Variants in DDX60 observed in about 807,000 individuals in gnomAD.
DDX60 encodes probable ATP-dependent RNA helicase DDX60.
DDX60 carries 165 observed loss-of-function variants against 212.8 expected under a neutral mutation model. That is an observed-to-expected ratio of 0.78 (90% CI 0.68 to 0.88). The LOEUF (loss-of-function observed/expected upper bound fraction) is 0.88, where lower values mean the gene tolerates loss of function less well. Among genes scored for constraint, DDX60 ranks in the 40% least tolerant of loss-of-function variants. The pLI, the probability that DDX60 is intolerant of heterozygous loss-of-function variation, is 0.00. For missense variants in DDX60, 1,905 were observed against 2,003.9 expected (o/e 0.95, Z 0.94); for synonymous variants, 703 against 685.3 (o/e 1.03, Z -0.40).
intron 6 of DDX60, among the ~76,000 whole-genome samples, chr4:168,296,908 C>T (rs1036673202): frequency 6.9e-6 from 1 of 144,304 alleles, no homozygotes; most frequent in Non-Finnish European, 1.5e-5. Context: ...GAGTCTCACT[C>T]TGTCACCAGG....
At chr4:168,243,679 T>C (rs1578991075) in intron 30 of DDX60, among the ~76,000 whole-genome samples, 1 of 152,154 alleles carries the variant, frequency 6.6e-6, no homozygotes, top group African/African-American at 2.4e-5. Context: ...TCCAACCGCA[T>C]TGTGGAAGAG....
At chr4:168,268,123 A>G in intron 20 of DDX60, 140 bp from the exon 21 acceptor site, 4 of 610,716 alleles carry the variant, frequency 6.5e-6, no homozygotes, top group Non-Finnish European at 8.0e-6. Flanking sequence ...ACTACCTGAA[A>G]TTAAATCCCA....
chr4:168,309,003 A>G (rs1737015112), intron 3 of DDX60, among the ~76,000 whole-genome samples: 3 of 152,302 alleles, frequency 2.0e-5, no homozygotes, highest in South Asian at 2.1e-4. Flanking sequence ...TATAGACTAC[A>G]CATGGCAGCT....
chr4:168,272,261 C>T (rs1735135403), intron 18 of DDX60, 123 bp from the exon 19 acceptor site: 2 of 717,156 alleles, frequency 2.8e-6, no homozygotes, highest in South Asian at 4.5e-5. Flanking sequence ...TGGCATATAA[C>T]ATTGCTTCTG....
chr4:168,298,122 AT>A (rs1736491579), intron 6 of DDX60, among the ~76,000 whole-genome samples: 1 of 151,914 alleles, frequency 6.6e-6, no homozygotes, highest in East Asian at 1.9e-4. Context: ...TACAAACGTA[AT>A]TACCATAACG....
intron 37 of DDX60, among the ~76,000 whole-genome samples, chr4:168,219,839 C>T (rs1732987063): frequency 6.6e-6 from 1 of 152,006 alleles, no homozygotes; most frequent in Admixed American, 6.6e-5. Flanking sequence ...GAGTTCGAGA[C>T]CACACTAACC....
chr4:168,287,304 T>C (rs1579053688), intron 9 of DDX60, 101 bp from the exon 10 acceptor site: 1 of 1,134,730 alleles, frequency 8.8e-7, no homozygotes, highest in African/African-American at 1.6e-5. Context: ...CTGAAATACT[T>C]TCCACATAGT....
chr4:168,247,581 G>A (rs1370857187), intron 29 of DDX60, among the ~76,000 whole-genome samples: 1 of 152,180 alleles, frequency 6.6e-6, no homozygotes, highest in Non-Finnish European at 1.5e-5. Flanking sequence ...GAGCAGGGAG[G>A]TCGTATGAAG....
chr4:168,266,642 G>T (rs1734860305), intron 22 of DDX60, among the ~76,000 whole-genome samples: 1 of 152,158 alleles, frequency 6.6e-6, no homozygotes, highest in Admixed American at 6.5e-5. Flanking sequence ...TATAGCATGA[G>T]GGCTGCCAGG....
chr4:168,311,999 G>A (rs1737154397), intron 1 of DDX60, among the ~76,000 whole-genome samples: 1 of 152,142 alleles, frequency 6.6e-6, no homozygotes, highest in African/African-American at 2.4e-5. Context: ...TTACTGTGCA[G>A]GAGAGTAATG....
intron 35 of DDX60, among the ~76,000 whole-genome samples, chr4:168,222,813 G>A (rs781315752): frequency 6.6e-6 from 1 of 151,952 alleles, no homozygotes; most frequent in Non-Finnish European, 1.5e-5. Context: ...ACATACGCAC[G>A]AGACATCCAT....
In DDX60 at chr4:168,236,358, GA is replaced by G; in HGVS notation, c.4426del (p.Ser1476LeufsTer8). ...TACTAGCTTTTCCATAACGTCTTGA[GA>G]AAAATGTTTTGAGCCTATATAAAAC... ...QPTRKGSKHF[S>X]QDVMEKLVLV... On this transcript the variant is annotated frameshift_variant, in exon 33 of 38. Transcript: ENST00000393743. LOFTEE classifies it high-confidence loss of function. 6.2e-7 allele frequency: 1 copy of G among 1,604,406 alleles called. No individual in the cohort carries two copies. The highest frequency in any genetic ancestry group is 1.3e-5 in the African/African-American group (1 of 74,432).
At chr4:168,246,169 C>T (rs1490403095) in intron 30 of DDX60, among the ~76,000 whole-genome samples, 1 of 152,258 alleles carries the variant, frequency 6.6e-6, no homozygotes, top group Non-Finnish European at 1.5e-5. Flanking sequence ...CATTTCACAC[C>T]TGAAAATAGT....
chr4:168,280,273 T>C lies in DDX60; in HGVS notation c.1978+62A>G, dbSNP rs1735530413. 16 of 1,535,056 alleles carry C rather than the reference T, an allele frequency of 1.0e-5. No individual in the cohort carries two copies. The South Asian group carries it at 1.9e-4, about 19-fold the overall frequency. On this transcript the variant is annotated intron_variant, in intron 14 of 37. Transcript: ENST00000393743. ...AAATTTCCAGTTAACAAATGGCAAC[T>C]ATCATCATTACATTTGTATTAATTC...
intron 8 of DDX60, 142 bp from the exon 9 acceptor site, chr4:168,288,457 G>C (rs1347973895): frequency 1.9e-6 from 1 of 526,324 alleles, no homozygotes; most frequent in Admixed American, 4.4e-5. Context: ...GCTGGGTAAT[G>C]GTGAATGCTT....
At position 168,263,599 on chromosome 4, in the gene DDX60, G is replaced by A. The variant is rs1734714435; in HGVS notation, c.3040-812C>T. On this transcript the variant is annotated intron_variant, in intron 22 of 37. Coordinates refer to ENST00000393743, the MANE Select transcript of DDX60 (RefSeq NM_017631.6). ...TCTGGGAGATGATTAGGTCATGAAG[G>A]AAGAACCCTCATGAATGGGATTAAT... 2.6e-5 allele frequency: 4 copies of A among 152,064 alleles called. No individual in the cohort carries two copies. The South Asian group carries it at 8.3e-4, about 32-fold the overall frequency. 9.4% of individuals were successfully genotyped at this position (152,064 alleles called of 1,614,324 possible).
chr4:168,243,272 T>A (rs1273918655), intron 30 of DDX60, among the ~76,000 whole-genome samples: 1 of 151,984 alleles, frequency 6.6e-6, no homozygotes, highest in Non-Finnish European at 1.5e-5. Context: ...ATAAATGGGA[T>A]CTAATTAAAC....
At position 168,283,551 on chromosome 4, in the gene DDX60, T is replaced by C. The variant is rs752913260; in HGVS notation, c.1617A>G (p.Gln539=). The C allele has an allele frequency of 4.3e-6, 7 of 1,613,278 alleles. No individual in the cohort carries two copies. Among genetic ancestry groups the C allele is most frequent in the Non-Finnish European group, 5.9e-6 (7 of 1,179,610 alleles). ...TTTCTAATGAATTCCCATAAAACCGTTGGAAAACATGATACTTTTGCACAG... is the reference window on the plus strand; with the variant it reads ...TTTCTAATGAATTCCCATAAAACCGCTGGAAAACATGATACTTTTGCACAG... ...LRSVQKYHVF[Q]RFYGNSLETV... Residue 539 remains glutamine, a synonymous_variant, in exon 13 of 38, where the codon CAA becomes CAG. Coordinates refer to ENST00000393743, the MANE Select transcript of DDX60 (RefSeq NM_017631.6).
rs373406916 is a variant in DDX60 at position 168,281,239 on chromosome 4, TC to T, written c.1723-650del. On this transcript the variant is annotated intron_variant, in intron 13 of 37. Transcript: ENST00000393743. Reference sequence around the variant, plus strand: ...CCATGCTATGATATCTGCTGCTCTCTCTGGAATCGCCTGTCCTCTTCCATTC... The same window carrying T: ...CCATGCTATGATATCTGCTGCTCTCTTGGAATCGCCTGTCCTCTTCCATTC... 8.5e-3 allele frequency among the ~76,000 whole-genome samples: 1,293 copies of T among 152,338 alleles called. 7 individuals carry two copies. The highest frequency in any genetic ancestry group is 0.027 in the South Asian group (129 of 4,826).
Sources: allele counts gnomAD v4.1 joint callset (sites outside exome capture counted in the v4.1 genomes callset), GRCh38; gene constraint gnomAD v4.1.1; transcripts MANE v1.5; gene names NCBI Gene and HGNC (gene_info 2026-07-23, HGNC 2026-07-21).